The following DNAH14 variants were observed in gnomAD, a reference collection of about 807,000 sequenced individuals.
The protein encoded by DNAH14 is dynein axonemal heavy chain 14, also known as axonemal beta dynein heavy chain 14.
In DNAH14, 478 loss-of-function variants were observed where a neutral mutation model predicts 520.9. The observed-to-expected ratio is 0.92, with a 90% CI of 0.85 to 0.99. The LOEUF is 0.99. DNAH14 is among the 50% of genes least tolerant of loss of function. The pLI is 0.00. For missense variants in DNAH14, 4,831 were observed against 5,234.5 expected (o/e 0.92, Z 2.38); for synonymous variants, 1,581 against 1,757.2 (o/e 0.90, Z 2.51).
At chr1:225,307,751 G>C (rs1280158556) in intron 59 of DNAH14, among the ~76,000 whole-genome samples, 182 bp downstream of exon 59, 1 of 151,924 alleles carries the variant, frequency 6.6e-6, no homozygotes, top group Non-Finnish European at 1.5e-5. Context: ...AAAATGAGAA[G>C]AACAAAAAAG....
intron 58 of DNAH14, among the ~76,000 whole-genome samples, chr1:225,305,922 T>C (rs2094231425): frequency 6.6e-6 from 1 of 152,218 alleles, no homozygotes; most frequent in South Asian, 2.1e-4. Flanking sequence ...ATGAGAGTGA[T>C]CATGACTATG....
intron 43 of DNAH14, 118 bp from the exon 44 acceptor site, chr1:225,252,183 G>T: frequency 1.4e-6 from 1 of 698,670 alleles, no homozygotes; most frequent in Admixed American, 2.2e-5. Flanking sequence ...TATACCCTTG[G>T]TGAATACTTA....
chr1:225,207,270 T>G, intron 41 of DNAH14, 50 bp downstream of exon 41: 1 of 1,411,188 alleles, frequency 7.1e-7, no homozygotes, highest in Non-Finnish European at 9.3e-7. Context: ...AGCTAGTCAA[T>G]GCTAATTCAT....
chr1:225,301,852 A>T (rs984486105), intron 56 of DNAH14, among the ~76,000 whole-genome samples: 12 of 152,106 alleles, frequency 7.9e-5, no homozygotes, highest in Admixed American at 6.6e-4. Flanking sequence ...ATAGAGAACA[A>T]GATAATATGA....
chr1:225,342,618 G>A (rs1211517920), intron 69 of DNAH14, among the ~76,000 whole-genome samples: 1 of 151,384 alleles, frequency 6.6e-6, no homozygotes, highest in Non-Finnish European at 1.5e-5. Flanking sequence ...TTTTCTTAAT[G>A]CCAGTAAAGG....
Position 225,051,624 on chromosome 1 carries a change from A to G in DNAH14, c.2253A>G (p.Arg751=), listed in dbSNP as rs1204091214. 10 of 1,551,004 alleles carry G rather than the reference A, an allele frequency of 6.4e-6. No individual in the cohort carries two copies. The highest frequency in any genetic ancestry group is 6.1e-6 in the Non-Finnish European group (7 of 1,146,564). The change falls in exon 17 of 86, where the codon AGA becomes AGG. Residue 751 remains arginine (R), a synonymous_variant. Transcript: ENST00000682510. The part of the protein sequence containing the change: ...KEFEAILNRF[R]NYFRHIVNMA... ...TTGAAGCTATTCTAAATAGATTCAG[A>G]AACTATTTTAGACATATTGTGAATA...
chr1:225,353,969 A>G (rs1177058630), intron 73 of DNAH14, 81 bp downstream of exon 73: 2 of 824,472 alleles, frequency 2.4e-6, no homozygotes, highest in Admixed American at 5.5e-5. Context: ...CAAAATTAAA[A>G]TTTTACAAGC....
chr1:225,225,914 C>G (rs553326293), intron 41 of DNAH14, among the ~76,000 whole-genome samples: 2 of 152,278 alleles, frequency 1.3e-5, no homozygotes, highest in East Asian at 3.9e-4. Context: ...CCCGCAGTCC[C>G]AGACGATGCA....
At chr1:225,289,780 G>A in intron 54 of DNAH14, 105 bp from the exon 55 acceptor site, 1 of 705,486 alleles carries the variant, frequency 1.4e-6, no homozygotes, top group South Asian at 6.6e-5. Flanking sequence ...ATAGTCTGGG[G>A]TATTTTTACA....
intron 35 of DNAH14, among the ~76,000 whole-genome samples, chr1:225,165,548 G>GATT (rs2081958101): frequency 7.1e-6 from 1 of 141,612 alleles, no homozygotes; most frequent in African/African-American, 2.6e-5. Context: ...TATAGATTTT[G>GATT]TTTTTTTTTT....
intron 56 of DNAH14, among the ~76,000 whole-genome samples, chr1:225,301,515 C>A (rs566155864): frequency 6.6e-6 from 1 of 152,214 alleles, no homozygotes; most frequent in South Asian, 2.1e-4. Context: ...AACTCAGCAG[C>A]AGAGGAGCTG....
chr1:225,377,585 C>A, intron 79 of DNAH14, 149 bp downstream of exon 79: 2 of 725,514 alleles, frequency 2.8e-6, no homozygotes, highest in South Asian at 4.7e-5. Flanking sequence ...CATGGTGAAA[C>A]CCTGTCTCTA....
At chr1:225,253,850 G>A (rs1032996623) in intron 44 of DNAH14, among the ~76,000 whole-genome samples, 2 of 152,044 alleles carry the variant, frequency 1.3e-5, no homozygotes, top group Admixed American at 6.6e-5. Context: ...ACCCTGTGTG[G>A]CATTCACTGC....
intron 1 of DNAH14, among the ~76,000 whole-genome samples, chr1:224,944,883 C>T (rs1457668633): frequency 6.6e-6 from 1 of 152,172 alleles, no homozygotes; most frequent in Non-Finnish European, 1.5e-5. Context: ...GATGGGCTTC[C>T]CTTTGTGGGT....
At chr1:224,990,135 T>C (rs531794962) in intron 8 of DNAH14, among the ~76,000 whole-genome samples, 2 of 152,164 alleles carry the variant, frequency 1.3e-5, no homozygotes, top group Non-Finnish European at 2.9e-5. Flanking sequence ...TTGGTGTCAA[T>C]GTTTCTTTTT....
intron 39 of DNAH14, among the ~76,000 whole-genome samples, chr1:225,205,308 C>A (rs987162932): frequency 1.3e-5 from 2 of 152,088 alleles, no homozygotes; most frequent in African/African-American, 4.8e-5. Flanking sequence ...GAAAAAGGAG[C>A]TCAAGAGAAA....
At chr1:225,381,986 A>G (rs189488355) in intron 81 of DNAH14, among the ~76,000 whole-genome samples, 21 of 152,358 alleles carry the variant, frequency 1.4e-4, no homozygotes, top group Admixed American at 1.2e-3. Flanking sequence ...CCAGGAATAA[A>G]ATAAGCCATG....
intron 74 of DNAH14, 124 bp from the exon 75 acceptor site, chr1:225,360,556 AC>A (rs1419566782): frequency 2.2e-6 from 2 of 918,248 alleles, no homozygotes; most frequent in Non-Finnish European, 3.2e-6. Flanking sequence ...TAATTTCAAA[AC>A]CTGTAGTCTT....
At chr1:225,141,054 A>G (rs1433049602) in intron 28 of DNAH14, 33 bp downstream of exon 28, 2 of 1,477,448 alleles carry the variant, frequency 1.4e-6, no homozygotes, top group Non-Finnish European at 9.1e-7. Flanking sequence ...TACATACAAT[A>G]ACTTCTCCCA....
Sources: allele counts gnomAD v4.1 joint callset (sites outside exome capture counted in the v4.1 genomes callset), GRCh38; gene constraint gnomAD v4.1.1; transcripts MANE v1.5; gene names NCBI Gene and HGNC (gene_info 2026-07-23, HGNC 2026-07-21).